Variants in FAM120C observed in about 807,000 individuals in gnomAD.
The protein encoded by FAM120C is family with sequence similarity 120 member C.
FAM120C carries 14 observed loss-of-function variants against 71.2 expected under a neutral mutation model. That is an observed-to-expected ratio of 0.20 (90% confidence interval 0.13 to 0.31). FAM120C has a LOEUF of 0.31. Among genes scored for constraint, FAM120C ranks in the 10% least tolerant of loss-of-function variants. The pLI is 1.00. For synonymous variants in FAM120C, 354 were observed against 353.2 expected, an observed-to-expected ratio of 1.00 and a Z score of -0.03; for missense variants, 500 against 879.0, an observed-to-expected ratio of 0.57 and a Z score of 5.45.
At chrX:54,152,836 T>A (rs1378427314) in intron 3 of FAM120C, among the ~76,000 whole-genome samples, 1 of 111,995 alleles carries the variant, frequency 8.9e-6, no homozygotes, top group African/African-American at 3.2e-5. Context: ...TCTGCCCTCA[T>A]GGGAGCTTAA....
chrX:54,079,217 G>A (rs190140848), intron 15 of FAM120C, among the ~76,000 whole-genome samples: 146 of 101,331 alleles, frequency 1.4e-3, no homozygotes, highest in African/African-American at 5.0e-3. Flanking sequence ...AGCCGAGATC[G>A]CGCCACTGCA....
intron 10 of FAM120C, among the ~76,000 whole-genome samples, chrX:54,109,917 A>T (rs1379252040): frequency 9.1e-6 from 1 of 109,888 alleles, no homozygotes; most frequent in Admixed American, 9.9e-5. Context: ...ATAAAGTTAG[A>T]TCCTTTCTCA....
chrX:54,109,766 G>A (rs973278789), intron 10 of FAM120C, among the ~76,000 whole-genome samples: 7 of 99,754 alleles, frequency 7.0e-5, no homozygotes, highest in African/African-American at 1.5e-4. Flanking sequence ...GCAGTGAGCC[G>A]AGATCACGCC....
chrX:54,087,784 C>A lies in FAM120C; in HGVS notation c.2608G>T (p.Val870Leu). 8.3e-7 allele frequency: 1 copy of A among 1,211,131 alleles called. No individual in the cohort carries two copies. The highest frequency in any genetic ancestry group is 1.1e-6 in the Non-Finnish European group (1 of 895,386). The change falls in exon 12 of 16, where the codon GTA (valine) becomes TTA (leucine). Residue 870 changes from valine (V) to leucine (L), a missense_variant. Physicochemically the swap from Val to Leu is conservative, Grantham distance 32. Coordinates refer to ENST00000375180, the MANE Select transcript of FAM120C (RefSeq NM_017848.6). Reference protein sequence around the residue: ...SKLIKAGRERVSLVELCDGQA... With the variant: ...SKLIKAGRERLSLVELCDGQA... ...CCATCACAGAGCTCAACCAGAGATA[C>A]TCGCTCTCGGCCTGCTTTAATTAGC... is the stretch of plus-strand genomic sequence containing the variant.
chrX:54,183,235 A>C lies in FAM120C; in HGVS notation c.-37T>G. On this transcript the variant is annotated 5_prime_UTR_variant, in exon 1 of 16. Coordinates refer to ENST00000375180, the MANE Select transcript of FAM120C (RefSeq NM_017848.6). The stretch of plus-strand genomic sequence containing the variant: ...GGGCAGACGCGATAGCGGCTGCGCA[A>C]GCAGGATAGGCGACGATCTGGGCGC... The C allele has an allele frequency of 1.0e-6, 1 of 968,760 alleles. No homozygotes were observed. The allele number at this position is 968,760 out of a possible 1,213,427, so 79.8% of individuals were successfully genotyped here.
chrX:54,161,418 A>T (rs1458284499), intron 1 of FAM120C, among the ~76,000 whole-genome samples: 2 of 111,631 alleles, frequency 1.8e-5, no homozygotes, highest in African/African-American at 3.3e-5. Context: ...GGTGTCACCA[A>T]AGACCCTCTC....
chrX:54,139,329 T>TTTTATTTATTTATTTATTTATTTA (rs375711849), intron 4 of FAM120C, among the ~76,000 whole-genome samples: 79 of 88,974 alleles, frequency 8.9e-4, no homozygotes, highest in South Asian at 1.8e-3. Context: ...TTTTTTTTGC[T>TTTTATTTATTTATTTATTTATTTA]TTTATTTATT....
Position 54,182,518 on chromosome X carries a change from G to A in FAM120C, c.681C>T (p.Leu227=). ...ACLSHCVRLA[L]IRFRVKVFQS... ...CCCTCACCTTGACCCGGAAGCGGAT[G>A]AGTGCTAGCCTCACGCAGTGGCTCA... The change falls in exon 1 of 16, where the codon CTC becomes CTT. Residue 227 remains leucine, a synonymous_variant. Coordinates refer to ENST00000375180, the MANE Select transcript of FAM120C (RefSeq NM_017848.6). The A allele has an allele frequency of 8.3e-7, 1 of 1,208,875 alleles. No individual in the cohort carries two copies. The highest frequency in any genetic ancestry group is 1.1e-6 in the Non-Finnish European group (1 of 894,128).
intron 1 of FAM120C, among the ~76,000 whole-genome samples, chrX:54,180,380 T>C (rs1557137207): frequency 4.4e-5 from 5 of 112,486 alleles, no homozygotes; most frequent in Non-Finnish European, 1.9e-5. Context: ...GCCACATTTT[T>C]CATCACTTGC....
At chrX:54,078,641 A>C (rs1450386724) in intron 15 of FAM120C, among the ~76,000 whole-genome samples, 1 of 111,676 alleles carries the variant, frequency 9.0e-6, no homozygotes, top group African/African-American at 3.3e-5. Context: ...ACTGATGACA[A>C]AATTGCCCAG....
chrX:54,133,739 G>C (rs1381303062), intron 8 of FAM120C, 34 bp downstream of exon 8: 1 of 1,192,596 alleles, frequency 8.4e-7, no homozygotes, highest in Non-Finnish European at 1.1e-6. Context: ...ACAGTGTTAA[G>C]AGCAGGGAGG....
At chrX:54,129,322 C>T (rs782197155) in intron 9 of FAM120C, among the ~76,000 whole-genome samples, 47 of 104,041 alleles carry the variant, frequency 4.5e-4, no homozygotes, top group Admixed American at 7.1e-4. Flanking sequence ...CGGGCAGAGA[C>T]GCTCCTCACC....
intron 15 of FAM120C, among the ~76,000 whole-genome samples, chrX:54,074,574 A>G (rs782764503): frequency 8.8e-4 from 99 of 112,180 alleles, no homozygotes; most frequent in African/African-American, 3.2e-3. Context: ...ATGTGCCACC[A>G]TGCCCGGCTA....
At chrX:54,168,809 A>T (rs2067273079) in intron 1 of FAM120C, among the ~76,000 whole-genome samples, 1 of 112,100 alleles carries the variant, frequency 8.9e-6, no homozygotes, top group Admixed American at 9.5e-5. Flanking sequence ...CAAGATAGAC[A>T]CTGGGCTAGG....
chrX:54,183,111 C>G lies in FAM120C; in HGVS notation c.88G>C (p.Val30Leu). 1 of 1,156,826 alleles carries G rather than the reference C, an allele frequency of 8.6e-7. No homozygotes were observed. The highest frequency in any genetic ancestry group is 1.1e-6 in the Non-Finnish European group (1 of 870,981). The stretch of plus-strand genomic sequence containing the variant: ...TGCTGCTGCTGCTGCTGGCGCGAGA[C>G]CGTGCGCGCGAGTTTTAGGAGGTCC... ...PVDLLKLART[V>L]SRQQQQQHLH... The change falls in exon 1 of 16, where the codon GTC (valine) becomes CTC (leucine). Residue 30 changes from valine (V) to leucine (L), a missense_variant. Physicochemically the swap from Val to Leu is conservative, Grantham distance 32. Around this residue, in one of 11 missense-constraint regions of FAM120C, gnomAD observed 12 missense variants for 30.3 expected, o/e 0.40. Coordinates refer to ENST00000375180, the MANE Select transcript of FAM120C (RefSeq NM_017848.6).
At chrX:54,133,633 G>T in intron 8 of FAM120C, 140 bp downstream of exon 8, 1 of 647,482 alleles carries the variant, frequency 1.5e-6, no homozygotes, top group Non-Finnish European at 2.3e-6. Context: ...GCCTTAGTAG[G>T]ATGAGGGGCC....
intron 9 of FAM120C, among the ~76,000 whole-genome samples, chrX:54,131,101 T>C (rs1557129225): frequency 8.9e-6 from 1 of 112,217 alleles, no homozygotes; most frequent in East Asian, 2.8e-4. Flanking sequence ...CTACTCTATC[T>C]TCCCAGAAAC....
chrX:54,104,579 G>A (rs1557124536), intron 10 of FAM120C, among the ~76,000 whole-genome samples: 1 of 111,268 alleles, frequency 9.0e-6, no homozygotes, highest in African/African-American at 3.3e-5. Flanking sequence ...AGGCCGAGGC[G>A]GGCAGATCGC....
In FAM120C at chrX:54,117,911, A is replaced by C. The variant is rs182653294; in HGVS notation, c.2063-1117T>G. Among the ~76,000 whole-genome samples the C allele has an allele frequency of 1.5e-3, 170 of 111,455 alleles. 2 individuals carry two copies. Among genetic ancestry groups the C allele is most frequent in the Non-Finnish European group, 2.5e-3 (135 of 53,081 alleles). On this transcript the variant is annotated intron_variant, in intron 9 of 15. Transcript: ENST00000375180. ...TAAGATATTTCACAAAATTCTCAAA[A>C]AAATCAACATCTTTTAGATTCACAA...
Sources: allele counts gnomAD v4.1 joint callset (sites outside exome capture counted in the v4.1 genomes callset), GRCh38; gene constraint gnomAD v4.1.1; regional missense constraint gnomAD v4.1.1; transcripts MANE v1.5; gene names NCBI Gene and HGNC (gene_info 2026-07-23, HGNC 2026-07-21).